Variants in EPHA6 observed in about 807,000 individuals in gnomAD.
The protein encoded by EPHA6 is EPH receptor A6.
In EPHA6, 50 loss-of-function variants were observed where a neutral mutation model predicts 112.0. The observed-to-expected ratio is 0.45, with a 90% CI of 0.36 to 0.56. The LOEUF (loss-of-function observed/expected upper bound fraction) is 0.56, where lower values mean the gene tolerates loss of function less well. Ranked by LOEUF, EPHA6 falls within the 20% of genes least tolerant of loss-of-function variation. The pLI is 0.00. For synonymous variants in EPHA6, 529 were observed against 490.7 expected, an observed-to-expected ratio of 1.08 and a Z score of -1.03; for missense variants, 1,280 against 1,417.4, an observed-to-expected ratio of 0.90 and a Z score of 1.56.
rs958437947 is a variant in EPHA6 at position 96,815,000 on chromosome 3, A to G, written c.377A>G (p.Asn126Ser). The G allele has an allele frequency of 1.3e-6, 2 of 1,519,440 alleles. No individual in the cohort carries two copies. The highest frequency in any genetic ancestry group is 1.3e-5 in the South Asian group (1 of 79,854). 94.1% of individuals were successfully genotyped at this position (1,519,440 alleles called of 1,614,324 possible). A position where few individuals can be genotyped will look rare whatever the true frequency, so the allele number is the denominator to read the frequency against. Residue 126 changes from asparagine (N) to serine (S), a missense_variant, in exon 1 of 18, where the codon AAC becomes AGC. Physicochemically the swap from Asn to Ser is conservative, Grantham distance 46 (BLOSUM62 1). This residue lies in a region of EPHA6 where 220 missense variants were observed against 171.5 expected (regional missense o/e 1.28). Coordinates refer to ENST00000389672, the MANE Select transcript of EPHA6 (RefSeq NM_001080448.3). ...CCAGGCGACTGCAGTCACGTCTCCAACAACCAAGGTAAGGGACGGGGCGGA... is the reference window on the plus strand; with the variant it reads ...CCAGGCGACTGCAGTCACGTCTCCAGCAACCAAGGTAAGGGACGGGGCGGA... Reference protein sequence around the residue: ...AWPGDCSHVSNNQVVLLDTTT... With the variant: ...AWPGDCSHVSSNQVVLLDTTT...
intron 5 of EPHA6, among the ~76,000 whole-genome samples, chr3:97,267,287 T>C (rs1174457907): frequency 6.6e-6 from 1 of 152,076 alleles, no homozygotes; most frequent in African/African-American, 2.4e-5. Context: ...CTTAATGCTT[T>C]TTATGAACAC....
chr3:97,358,763 C>T (rs907849948), intron 5 of EPHA6, among the ~76,000 whole-genome samples: 2 of 152,002 alleles, frequency 1.3e-5, no homozygotes, highest in Admixed American at 1.3e-4. Flanking sequence ...TCAATTGACT[C>T]AGGTTTGTTT....
At chr3:97,258,260 A>G (rs1344657977) in intron 5 of EPHA6, among the ~76,000 whole-genome samples, 1 of 152,040 alleles carries the variant, frequency 6.6e-6, no homozygotes, top group Non-Finnish European at 1.5e-5. Flanking sequence ...ATACACACAC[A>G]CACACACACA....
At chr3:97,289,865 G>A (rs1478886108) in intron 5 of EPHA6, among the ~76,000 whole-genome samples, 3 of 151,780 alleles carry the variant, frequency 2.0e-5, no homozygotes, top group Non-Finnish European at 2.9e-5. Flanking sequence ...TTTGGCTCTC[G>A]GCTAGTGGTC....
chr3:97,326,236 C>T (rs1191257277), intron 5 of EPHA6, among the ~76,000 whole-genome samples: 1 of 151,720 alleles, frequency 6.6e-6, no homozygotes, highest in East Asian at 1.9e-4. Flanking sequence ...CATGGAATCC[C>T]CTTAATAATA....
At chr3:97,165,745 T>A (rs2076526696) in intron 3 of EPHA6, among the ~76,000 whole-genome samples, 1 of 152,132 alleles carries the variant, frequency 6.6e-6, no homozygotes, top group African/African-American at 2.4e-5. Flanking sequence ...AAAAATTATC[T>A]AGAAAGTAGA....
chr3:97,553,959 T>C (rs1216299559), intron 11 of EPHA6, among the ~76,000 whole-genome samples: 1 of 152,190 alleles, frequency 6.6e-6, no homozygotes, highest in East Asian at 1.9e-4. Context: ...TATATAACAA[T>C]AATATAAACT....
At chr3:97,198,655 A>G (rs1159163204) in intron 3 of EPHA6, among the ~76,000 whole-genome samples, 1 of 152,154 alleles carries the variant, frequency 6.6e-6, no homozygotes, top group Non-Finnish European at 1.5e-5. Flanking sequence ...ACCTAAGTAT[A>G]CATAGTGATA....
intron 5 of EPHA6, among the ~76,000 whole-genome samples, chr3:97,297,403 A>C (rs1576873379): frequency 6.6e-6 from 1 of 152,180 alleles, no homozygotes; most frequent in African/African-American, 2.4e-5. Context: ...TCAGTCAGCC[A>C]TCTTGAAGCC....
intron 2 of EPHA6, among the ~76,000 whole-genome samples, chr3:96,892,144 A>G (rs2037998568): frequency 6.6e-6 from 1 of 152,182 alleles, no homozygotes; most frequent in Non-Finnish European, 1.5e-5. Context: ...ATAGAGAGAT[A>G]CCACATCATA....
intron 5 of EPHA6, among the ~76,000 whole-genome samples, chr3:97,307,343 A>C (rs2108741918): frequency 6.6e-6 from 1 of 151,922 alleles, no homozygotes; most frequent in Non-Finnish European, 1.5e-5. Context: ...ACCACTAGTA[A>C]GTGGCCTGTA....
intron 3 of EPHA6, among the ~76,000 whole-genome samples, chr3:97,118,392 C>G (rs1473924652): frequency 6.6e-6 from 1 of 151,604 alleles, no homozygotes; most frequent in African/African-American, 2.4e-5. Context: ...TTAAAAACTA[C>G]CTATCTCATC....
chr3:97,091,923 C>A (rs1348885137), intron 3 of EPHA6, among the ~76,000 whole-genome samples: 1 of 151,554 alleles, frequency 6.6e-6, no homozygotes, highest in Non-Finnish European at 1.5e-5. Context: ...TAGTATCTGG[C>A]CTGAACATTT....
chr3:96,882,788 A>G (rs1041599267), intron 2 of EPHA6, among the ~76,000 whole-genome samples: 3 of 148,170 alleles, frequency 2.0e-5, no homozygotes, highest in African/African-American at 7.4e-5. Context: ...TCATCAATCT[A>G]TGTGATATAT....
intron 3 of EPHA6, among the ~76,000 whole-genome samples, chr3:97,002,716 T>G (rs1049895968): frequency 2.0e-5 from 3 of 152,056 alleles, no homozygotes; most frequent in African/African-American, 7.2e-5. Context: ...GAAGTCAGAC[T>G]CAAAATTCTT....
At chr3:97,678,100 G>A (rs1383929338) in intron 14 of EPHA6, among the ~76,000 whole-genome samples, 1 of 152,062 alleles carries the variant, frequency 6.6e-6, no homozygotes. Context: ...AGAAATGAGG[G>A]GTGGTGACTT....
At chr3:97,545,246 G>C (rs1560120954) in intron 11 of EPHA6, among the ~76,000 whole-genome samples, 1 of 152,118 alleles carries the variant, frequency 6.6e-6, no homozygotes, top group Non-Finnish European at 1.5e-5. Flanking sequence ...ATGTGTCCCA[G>C]AGATTCTGGT....
At chr3:97,484,301 T>C (rs551748431) in intron 10 of EPHA6, among the ~76,000 whole-genome samples, 1 of 152,306 alleles carries the variant, frequency 6.6e-6, no homozygotes, top group African/African-American at 2.4e-5. Context: ...ATAGTAGAGA[T>C]AAATTACAAT....
chr3:96,877,657 G>A (rs1013932231), intron 2 of EPHA6, among the ~76,000 whole-genome samples: 1 of 144,436 alleles, frequency 6.9e-6, no homozygotes, highest in Non-Finnish European at 1.5e-5. Flanking sequence ...TGTTAAATAG[G>A]TTTTTGTAAT....
Sources: gnomAD v4.1 joint callset for allele counts (sites outside exome capture counted in the v4.1 genomes callset) on GRCh38, gnomAD v4.1.1 for gene constraint, gnomAD v4.1.1 regional missense constraint, MANE v1.5 for transcripts, NCBI Gene and HGNC (gene_info 2026-07-23, HGNC 2026-07-21) for gene names.